ZBTB49: variants seen among roughly 807,000 people sequenced by gnomAD.
ZBTB49 encodes the protein zinc finger and BTB domain containing 49, also known as zinc finger and BTB domain-containing protein 49.
A neutral mutation model predicts 57.5 loss-of-function variants in ZBTB49; 43 were observed. The ratio of observed to expected loss-of-function variants is 0.75; its 90% CI spans 0.59 to 0.97. The LOEUF is 0.97. Ranked by LOEUF, ZBTB49 falls within the 50% of genes least tolerant of loss-of-function variation. The pLI is 0.00. For synonymous variants in ZBTB49, 369 were observed against 362.1 expected (o/e 1.02, Z -0.22); for missense variants, 938 against 947.7 (o/e 0.99, Z 0.13).
rs116210502 is a variant in ZBTB49, at chr4:4,306,844, A to C, written c.1302+660A>C. ...TGCAGTGCCCTGGGCTTCCAGAGGT[A>C]GATCAGATGGAAGCTGCTCCAGGGC... On this transcript the variant is annotated intron_variant, in intron 4 of 7. Transcript: ENST00000337872. Among the ~76,000 whole-genome samples, 890 of 152,362 alleles carry C rather than the reference A, an allele frequency of 5.8e-3. 11 individuals are homozygous for C. The highest frequency in any genetic ancestry group is 0.02 in the African/African-American group (849 of 41,592).
chr4:4,311,973 A>C (rs145938255), intron 4 of ZBTB49, among the ~76,000 whole-genome samples: 1 of 152,194 alleles, frequency 6.6e-6, no homozygotes, highest in Non-Finnish European at 1.5e-5. Context: ...TTCACAAGTC[A>C]ATATCAAACT....
intron 3 of ZBTB49, among the ~76,000 whole-genome samples, chr4:4,303,600 T>A (rs2108880901): frequency 6.6e-6 from 1 of 152,328 alleles, no homozygotes; most frequent in Non-Finnish European, 1.5e-5. Flanking sequence ...AACTTTTTAA[T>A]AAGAATCAGC....
At chr4:4,298,151 A>G (rs1028833730) in intron 1 of ZBTB49, among the ~76,000 whole-genome samples, 1 of 152,214 alleles carries the variant, frequency 6.6e-6, no homozygotes, top group African/African-American at 2.4e-5. Flanking sequence ...GGTCACAGAG[A>G]AGTCATTTGC....
rs759403850 is a variant in ZBTB49 at position 4,302,291 on chromosome 4, AC to A, written c.461del (p.Pro154LeufsTer99). The A allele has an allele frequency of 3.7e-6, 6 of 1,613,050 alleles. No individual in the cohort carries two copies. The highest frequency in any genetic ancestry group is 3.3e-5 in the Admixed American group (2 of 59,994). On this transcript the variant is annotated frameshift_variant, in exon 3 of 8. Coordinates refer to ENST00000337872, the MANE Select transcript of ZBTB49 (RefSeq NM_145291.4). LOFTEE classifies it high-confidence loss of function. Reference protein sequence around the residue: ...PDATCVISENYPPHLLQECSA... With the variant: ...PDATCVISENXPPHLLQECSA... ...GCCACTTGTGTTATCAGTGAAAACT[AC>A]CCCCCTCATTTACTGCAGGAATGTT...
At chr4:4,319,855 C>G (rs1183233360) in intron 7 of ZBTB49, among the ~76,000 whole-genome samples, 2 of 149,716 alleles carry the variant, frequency 1.3e-5, no homozygotes, top group African/African-American at 4.9e-5. Context: ...GTCAGGAGTT[C>G]AAGACCAGCC....
chr4:4,292,488 C>G (rs1560102643), intron 1 of ZBTB49, among the ~76,000 whole-genome samples: 1 of 152,142 alleles, frequency 6.6e-6, no homozygotes, highest in Non-Finnish European at 1.5e-5. Flanking sequence ...CACATCTGTT[C>G]CGTTTGTCAG....
chr4:4,307,263 C>A (rs1176906160), intron 4 of ZBTB49, among the ~76,000 whole-genome samples: 2 of 152,170 alleles, frequency 1.3e-5, no homozygotes, highest in African/African-American at 4.8e-5. Flanking sequence ...CACCCAGCAG[C>A]CAGCAGATGC....
At chr4:4,298,285 A>G (rs193130724) in intron 1 of ZBTB49, among the ~76,000 whole-genome samples, 10 of 152,312 alleles carry the variant, frequency 6.6e-5, no homozygotes, top group African/African-American at 2.4e-4. Flanking sequence ...AATGGGAGAT[A>G]AGTCTAAGTG....
At chr4:4,296,471 C>T (rs1720208528) in intron 1 of ZBTB49, among the ~76,000 whole-genome samples, 1 of 152,142 alleles carries the variant, frequency 6.6e-6, no homozygotes, top group African/African-American at 2.4e-5. Context: ...ACGGGAGTTT[C>T]CCTGCACAAG....
At position 4,321,216 on chromosome 4, in the gene ZBTB49, C is replaced by T; in HGVS notation, c.2198C>T (p.Ser733Phe). 3 of 1,614,218 alleles carry T rather than the reference C, an allele frequency of 1.9e-6. No homozygotes were observed. The highest frequency in any genetic ancestry group is 2.5e-6 in the Non-Finnish European group (3 of 1,180,040). Residue 733 changes from serine to phenylalanine, a missense_variant, in exon 8 of 8, where the codon TCC becomes TTC. Physicochemically the swap from Ser to Phe is radical, Grantham distance 155. Around this residue, in one of 3 missense-constraint regions of ZBTB49, gnomAD observed 835 missense variants for 819.1 expected, o/e 1.02. Transcript: ENST00000337872. Reference sequence around the variant, plus strand: ...GACCCCCTGGGCAGTCGAGCATCTTCCACCACTTATAGGAACTCAGAGGGT... The same window carrying T: ...GACCCCCTGGGCAGTCGAGCATCTTTCACCACTTATAGGAACTCAGAGGGT... Reference protein sequence around the residue: ...GGDPLGSRASSTTYRNSEGQF... With the variant: ...GGDPLGSRASFTTYRNSEGQF...
In ZBTB49 at chr4:4,309,765, A is replaced by C. The variant is rs557729360; in HGVS notation, c.1303-3276A>C. Among the ~76,000 whole-genome samples, 30 of 152,308 alleles carry C rather than the reference A, an allele frequency of 2.0e-4. No homozygotes were observed. The South Asian group carries it at 4.8e-3, about 24-fold the overall frequency. ...CCATCCATGGTGGAAACACAAAAAT[A>C]AGGACACTTAGTGAGCTTGGCCCAA... On this transcript the variant is annotated intron_variant, in intron 4 of 7. Transcript: ENST00000337872.
intron 2 of ZBTB49, among the ~76,000 whole-genome samples, chr4:4,300,600 T>C (rs955585375): frequency 6.6e-6 from 1 of 152,058 alleles, no homozygotes; most frequent in South Asian, 2.1e-4. Flanking sequence ...ATATGAAATA[T>C]TTATTTATAA....
intron 1 of ZBTB49, among the ~76,000 whole-genome samples, chr4:4,292,986 C>CT (rs1340219907): frequency 1.3e-5 from 2 of 152,054 alleles, no homozygotes; most frequent in Non-Finnish European, 2.9e-5. Flanking sequence ...CCATTCATAC[C>CT]ATCTTTCCAC....
chr4:4,307,347 C>T (rs1298731130), intron 4 of ZBTB49, among the ~76,000 whole-genome samples: 2 of 152,200 alleles, frequency 1.3e-5, no homozygotes, highest in South Asian at 2.1e-4. Context: ...TCCGCTTCTT[C>T]CTGCCAGCCT....
chr4:4,316,350 G>A (rs756433779), intron 7 of ZBTB49, among the ~76,000 whole-genome samples: 2 of 152,104 alleles, frequency 1.3e-5, no homozygotes, highest in Non-Finnish European at 2.9e-5. Context: ...TCAGAGGGTC[G>A]GCTTCTATAG....
intron 4 of ZBTB49, among the ~76,000 whole-genome samples, chr4:4,306,564 G>C (rs1720744960): frequency 6.6e-6 from 1 of 152,190 alleles, no homozygotes; most frequent in East Asian, 1.9e-4. Flanking sequence ...TGGGACTGTA[G>C]ATTGTAGGAT....
intron 4 of ZBTB49, among the ~76,000 whole-genome samples, chr4:4,311,214 G>A (rs1177508633): frequency 6.6e-6 from 1 of 152,098 alleles, no homozygotes; most frequent in African/African-American, 2.4e-5. Context: ...ACAAGTAATC[G>A]TTATGCCATT....
intron 7 of ZBTB49, among the ~76,000 whole-genome samples, chr4:4,318,207 G>A (rs1264246249): frequency 6.6e-6 from 1 of 152,188 alleles, no homozygotes; most frequent in Non-Finnish European, 1.5e-5. Context: ...CTTTCTTGGT[G>A]GAAACTCTGT....
Position 4,302,618 on chromosome 4 carries a change from A to C in ZBTB49, c.782A>C (p.His261Pro). The stretch of plus-strand genomic sequence containing the variant: ...GAGAGCCAGCCTTGTGCCGTCAGTC[A>C]TTCTGAATGCATCCTGGAGTCTCCC... The part of the protein sequence containing the change: ...TVESQPCAVS[H>P]SECILESPEH... The change falls in exon 3 of 8, where the codon CAT (histidine) becomes CCT (proline). Residue 261 changes from histidine to proline, a missense_variant. Around this residue, in one of 3 missense-constraint regions of ZBTB49, gnomAD observed 835 missense variants for 819.1 expected, o/e 1.02. Transcript: ENST00000337872. 1 of 1,613,150 alleles carries C rather than the reference A, an allele frequency of 6.2e-7. No homozygotes were observed. The highest frequency in any genetic ancestry group is 8.5e-7 in the Non-Finnish European group (1 of 1,179,552).
Sources: gnomAD v4.1 joint callset for allele counts (sites outside exome capture counted in the v4.1 genomes callset) on GRCh38, gnomAD v4.1.1 for gene constraint, gnomAD v4.1.1 regional missense constraint, MANE v1.5 for transcripts, NCBI Gene and HGNC (gene_info 2026-07-23, HGNC 2026-07-21) for gene names.